ZRANB1: variants seen among roughly 807,000 people sequenced by gnomAD.
ZRANB1 encodes the protein ubiquitin thioesterase ZRANB1.
In ZRANB1, 16 loss-of-function variants were observed where a neutral mutation model predicts 80.5. The observed-to-expected ratio is 0.20, with a 90% CI of 0.13 to 0.30. ZRANB1 has a LOEUF of 0.30. Among genes scored for constraint, ZRANB1 ranks in the 10% least tolerant of loss-of-function variants. The probability of loss-of-function intolerance (pLI) is 1.00; values close to 1 mark genes in which losing one functional copy is unlikely to be tolerated. For missense variants in ZRANB1, 576 were observed against 862.6 expected, an observed-to-expected ratio of 0.67 and a Z score of 4.16; for synonymous variants, 291 against 293.1, an observed-to-expected ratio of 0.99 and a Z score of 0.07.
chr10:124,939,299 G>A (rs1951514766), upstream of ZRANB1, among the ~76,000 whole-genome samples: 2 of 151,464 alleles, frequency 1.3e-5, no homozygotes, highest in South Asian at 4.2e-4. Context: ...CTCCCAAAGT[G>A]CTGGGATTAA....
chr10:124,964,816 G>GTCGT (rs920422055), intron 1 of ZRANB1, among the ~76,000 whole-genome samples: 6 of 152,214 alleles, frequency 3.9e-5, no homozygotes, highest in Non-Finnish European at 7.3e-5. Flanking sequence ...GAAGGGAAAG[G>GTCGT]TCGTTGCCTT....
intron 2 of ZRANB1, among the ~76,000 whole-genome samples, chr10:124,968,453 G>GC (rs1383158471): frequency 1.3e-5 from 2 of 152,188 alleles, no homozygotes; most frequent in African/African-American, 2.4e-5. Flanking sequence ...GGGGTGGGGG[G>GC]CTTGAGAGAC....
At chr10:124,947,106 A>G (rs1158911163) in intron 1 of ZRANB1, among the ~76,000 whole-genome samples, 1 of 152,178 alleles carries the variant, frequency 6.6e-6, no homozygotes, top group African/African-American at 2.4e-5. Context: ...AAACATATTG[A>G]CATAGCTGTT....
Position 124,987,215 on chromosome 10 carries a change from AGAT to A in ZRANB1, c.*2227_*2229del, listed in dbSNP as rs941969968. ...AAGATAGAATATAGTCCTTTTTCAA[AGAT>A]GATTATACGTGGCTAGGTGACAGAC... On this transcript the variant is annotated 3_prime_UTR_variant, in exon 9 of 9. Coordinates refer to ENST00000359653, the MANE Select transcript of ZRANB1 (RefSeq NM_017580.3). 5.2e-5 allele frequency: 8 copies of A among 152,586 alleles called. No homozygotes were observed. The highest frequency in any genetic ancestry group is 1.9e-4 in the African/African-American group (8 of 41,420). The allele number at this position is 152,586 out of a possible 1,614,324, so 9.5% of individuals were successfully genotyped here. A position where few individuals can be genotyped will look rare whatever the true frequency, so the allele number is the denominator to read the frequency against.
chr10:124,948,299 A>G (rs1951601563), intron 1 of ZRANB1, among the ~76,000 whole-genome samples: 1 of 152,198 alleles, frequency 6.6e-6, no homozygotes, highest in Non-Finnish European at 1.5e-5. Flanking sequence ...TAATACATAT[A>G]CAAATATGTG....
At chr10:124,920,835 A>G in the ZRANB1 span, among the ~76,000 whole-genome samples, 1 of 152,010 alleles carries the variant, frequency 6.6e-6, no homozygotes, top group Non-Finnish European at 1.5e-5. Context: ...ACTTCTGCCA[A>G]ATGGGTATAT....
intron 1 of ZRANB1, among the ~76,000 whole-genome samples, chr10:124,950,462 G>A (rs959913010): frequency 1.3e-5 from 2 of 152,096 alleles, no homozygotes; most frequent in Admixed American, 1.3e-4. Flanking sequence ...TATTGGTAAC[G>A]TTTTCTTATA....
chr10:124,941,859 T>C (rs1951538947), upstream of ZRANB1, among the ~76,000 whole-genome samples: 1 of 152,196 alleles, frequency 6.6e-6, no homozygotes, highest in African/African-American at 2.4e-5. Flanking sequence ...TATTTCATAA[T>C]GTTACTTTGT....
chr10:124,939,771 C>T (rs1168348720), upstream of ZRANB1, among the ~76,000 whole-genome samples: 1 of 152,104 alleles, frequency 6.6e-6, no homozygotes, highest in East Asian at 1.9e-4. Flanking sequence ...ACTTATATTT[C>T]ATTCCCGAGA....
Position 124,943,279 on chromosome 10 carries a change from T to A in ZRANB1, c.786T>A (p.Thr262=). Residue 262 remains threonine (T), a synonymous_variant, in exon 1 of 9, where the codon ACT becomes ACA. Coordinates refer to ENST00000359653, the MANE Select transcript of ZRANB1 (RefSeq NM_017580.3). The part of the protein sequence containing the change: ...LKQIKNRMKK[T]DWLFLNACVG... ...AAATTAAAAACAGGATGAAAAAGACTGATTGGCTCTTCCTCAATGCTTGTG... is the reference window on the plus strand; with the variant it reads ...AAATTAAAAACAGGATGAAAAAGACAGATTGGCTCTTCCTCAATGCTTGTG... 1 of 1,613,852 alleles carries A rather than the reference T, an allele frequency of 6.2e-7. No homozygotes were observed. The highest frequency in any genetic ancestry group is 8.5e-7 in the Non-Finnish European group (1 of 1,179,840).
intron 5 of ZRANB1, among the ~76,000 whole-genome samples, chr10:124,975,532 G>T (rs935065900): frequency 2.6e-5 from 4 of 152,140 alleles, no homozygotes; most frequent in African/African-American, 4.8e-5. Context: ...TTAACAGCAT[G>T]CAATCACTGG....
At chr10:124,982,023 TCGCAAG>T (rs1951938621) in intron 6 of ZRANB1, among the ~76,000 whole-genome samples, 194 bp downstream of exon 6, 1 of 150,108 alleles carries the variant, frequency 6.7e-6, no homozygotes, top group African/African-American at 2.5e-5. Flanking sequence ...TAGATGAGCA[TCGCAAG>T]TATAGATTAG....
chr10:124,938,886 T>G (rs1057044721), upstream of ZRANB1, among the ~76,000 whole-genome samples: 2 of 151,524 alleles, frequency 1.3e-5, no homozygotes, highest in Non-Finnish European at 2.9e-5. Flanking sequence ...AAAAAAAAGT[T>G]TTTTTTTTGG....
At chr10:124,964,694 G>A (rs1382989561) in intron 1 of ZRANB1, among the ~76,000 whole-genome samples, 1 of 152,132 alleles carries the variant, frequency 6.6e-6, no homozygotes, top group Non-Finnish European at 1.5e-5. Flanking sequence ...CATTTTTTAT[G>A]TAATACGAAA....
the ZRANB1 span, among the ~76,000 whole-genome samples, chr10:124,917,575 C>T: frequency 6.6e-6 from 1 of 152,210 alleles, no homozygotes; most frequent in East Asian, 1.9e-4. Context: ...GCCAGATTTC[C>T]CCACAACTTC....
At chr10:124,921,516 AT>A in the ZRANB1 span, among the ~76,000 whole-genome samples, 1 of 152,198 alleles carries the variant, frequency 6.6e-6, no homozygotes, top group African/African-American at 2.4e-5. Flanking sequence ...AGTAGGAGGT[AT>A]GGTATTTTAT....
chr10:124,948,635 T>A (rs1414232324), intron 1 of ZRANB1, among the ~76,000 whole-genome samples: 1 of 152,076 alleles, frequency 6.6e-6, no homozygotes, highest in Non-Finnish European at 1.5e-5. Context: ...CCTCCATGAC[T>A]GCCGTATCTA....
At chr10:124,927,738 G>C in the ZRANB1 span, among the ~76,000 whole-genome samples, 8 of 152,148 alleles carry the variant, frequency 5.3e-5, no homozygotes, top group African/African-American at 1.9e-4. Flanking sequence ...TTTTGAAGTG[G>C]TAAAGAAGGG....
chr10:124,934,754 A>C, the ZRANB1 span, among the ~76,000 whole-genome samples: 3 of 152,182 alleles, frequency 2.0e-5, no homozygotes, highest in Admixed American at 6.5e-5. Context: ...CAACTTGGAG[A>C]TACAAATTTT....
Sources: gnomAD v4.1 joint callset for allele counts (sites outside exome capture counted in the v4.1 genomes callset) on GRCh38, gnomAD v4.1.1 for gene constraint, MANE v1.5 for transcripts, NCBI Gene and HGNC (gene_info 2026-07-23, HGNC 2026-07-21) for gene names.